Variants in AMDHD1 observed in about 807,000 individuals in gnomAD.
AMDHD1 encodes amidohydrolase domain containing 1.
AMDHD1 carries 45 observed loss-of-function variants against 44.1 expected under a neutral mutation model. The ratio of observed to expected loss-of-function variants is 1.02; its 90% CI spans 0.80 to 1.31. AMDHD1 has a LOEUF of 1.31. Ranked by LOEUF, AMDHD1 falls within the 50% of genes most tolerant of loss-of-function variation. AMDHD1 has a pLI of 0.00. For missense variants in AMDHD1, 586 were observed against 552.1 expected, an observed-to-expected ratio of 1.06 and a Z score of -0.61; for synonymous variants, 206 against 205.0, an observed-to-expected ratio of 1.00 and a Z score of -0.04.
At chr12:95,965,633 A>G in intron 6 of AMDHD1, 53 bp from the exon 7 acceptor site, 5 of 1,250,270 alleles carry the variant, frequency 4.0e-6, no homozygotes, top group South Asian at 2.5e-5. Context: ...CTGAACAGCT[A>G]TTCTACAAAA....
intron 4 of AMDHD1, 46 bp from the exon 5 acceptor site, chr12:95,960,351 GT>G: frequency 6.4e-7 from 1 of 1,552,470 alleles, no homozygotes; most frequent in Non-Finnish European, 8.8e-7. Context: ...GTCTTTTTGT[GT>G]TTTGTTTTTA....
intron 6 of AMDHD1, among the ~76,000 whole-genome samples, chr12:95,964,928 C>CAGAAAAAAAAAAA (rs2080601401): frequency 5.6e-5 from 2 of 35,832 alleles, no homozygotes; most frequent in African/African-American, 1.4e-4. Flanking sequence ...ATGTTTGAGG[C>CAGAAAAAAAAAAA]AAAAAAAAAA....
chr12:95,963,457 A>G (rs7486464), intron 6 of AMDHD1, among the ~76,000 whole-genome samples: 105,731 of 152,086 alleles, frequency 0.7, 37,223 homozygotes, highest in East Asian at 0.94. Context: ...ACCAGGCTCC[A>G]AGTAACTTTT....
rs527541617 is a variant in AMDHD1 at position 95,959,708 on chromosome 12, G to C, written c.588-690G>C. 5.3e-5 allele frequency among the ~76,000 whole-genome samples: 8 copies of C among 151,826 alleles called. No homozygotes were observed. The South Asian group carries it at 1.7e-3, about 32-fold the overall frequency. On this transcript the variant is annotated intron_variant, in intron 4 of 8. Coordinates refer to ENST00000266736, the MANE Select transcript of AMDHD1 (RefSeq NM_152435.3). The stretch of plus-strand genomic sequence containing the variant: ...GAAGAAAAAGGCAGGGTGATAGCTG[G>C]ACTCAGGTAAGGGGACCACAGGTGG...
intron 4 of AMDHD1, among the ~76,000 whole-genome samples, chr12:95,957,888 A>G (rs1320199965): frequency 6.6e-6 from 1 of 152,142 alleles, no homozygotes; most frequent in East Asian, 1.9e-4. Flanking sequence ...CCCCATCTCT[A>G]CTAAAAATAC....
chr12:95,951,555 T>C (rs191790694), intron 1 of AMDHD1, among the ~76,000 whole-genome samples: 1 of 152,332 alleles, frequency 6.6e-6, no homozygotes, highest in East Asian at 1.9e-4. Context: ...TAACATGGGA[T>C]GCAGACATCT....
intron 7 of AMDHD1, 51 bp downstream of exon 7, chr12:95,965,830 T>G: frequency 8.5e-7 from 1 of 1,174,104 alleles, no homozygotes. Flanking sequence ...ACCAAGCATA[T>G]AAATAATTTA....
intron 3 of AMDHD1, among the ~76,000 whole-genome samples, chr12:95,955,481 C>T (rs536627556): frequency 6.6e-6 from 1 of 152,112 alleles, no homozygotes; most frequent in South Asian, 2.1e-4. Flanking sequence ...AAAAGATGTG[C>T]CTCCTAGCAG....
chr12:95,957,015 C>T, intron 4 of AMDHD1, 53 bp downstream of exon 4: 1 of 1,600,206 alleles, frequency 6.2e-7, no homozygotes, highest in Non-Finnish European at 8.5e-7. Flanking sequence ...GAAAACGAAC[C>T]CCGGGGGTGG....
At chr12:95,945,157 A>G (rs2080489492) in intron 1 of AMDHD1, among the ~76,000 whole-genome samples, 1 of 152,092 alleles carries the variant, frequency 6.6e-6, no homozygotes, top group Non-Finnish European at 1.5e-5. Flanking sequence ...TAAATACATA[A>G]ATAAAATGAT....
intron 8 of AMDHD1, 110 bp from the exon 9 acceptor site, chr12:95,967,646 G>A (rs771941176): frequency 1.1e-5 from 9 of 829,074 alleles, no homozygotes; most frequent in Non-Finnish European, 1.7e-5. Flanking sequence ...TTGACTGGGT[G>A]TAAATAAATG....
Position 95,967,865 on chromosome 12 carries a change from T to C in AMDHD1, c.*22T>C. On this transcript the variant is annotated 3_prime_UTR_variant, in exon 9 of 9. Coordinates refer to ENST00000266736, the MANE Select transcript of AMDHD1 (RefSeq NM_152435.3). ...ATGATAGATTTGAAAAGAGAAGACT[T>C]TTTGACTATATGAAATAAGTCAATA... 1 of 1,467,316 alleles carries C rather than the reference T, an allele frequency of 6.8e-7. No homozygotes were observed. Among genetic ancestry groups the C allele is most frequent in the African/African-American group, 1.4e-5 (1 of 70,026 alleles). 90.9% of individuals were successfully genotyped at this position (1,467,316 alleles called of 1,614,324 possible). A position where few individuals can be genotyped will look rare whatever the true frequency, so the allele number is the denominator to read the frequency against.
At chr12:95,958,066 A>T (rs924123106) in intron 4 of AMDHD1, among the ~76,000 whole-genome samples, 13 of 146,994 alleles carry the variant, frequency 8.8e-5, no homozygotes, top group African/African-American at 2.4e-4. Context: ...AAATATATAT[A>T]TATTTTTTTA....
intron 6 of AMDHD1, among the ~76,000 whole-genome samples, chr12:95,963,399 CAAAG>C (rs1247993592): frequency 6.6e-6 from 1 of 151,422 alleles, no homozygotes; most frequent in Non-Finnish European, 1.5e-5. Context: ...GCTCCCAAAA[CAAAG>C]AATTATCCAG....
intron 1 of AMDHD1, among the ~76,000 whole-genome samples, chr12:95,947,877 C>CA (rs2136758483): frequency 9.3e-6 from 1 of 108,016 alleles, no homozygotes; most frequent in Non-Finnish European, 1.9e-5. Context: ...TCTGCCCGGC[C>CA]GCCCCTACTG....
intron 3 of AMDHD1, among the ~76,000 whole-genome samples, chr12:95,955,189 T>C (rs956595079): frequency 1.1e-4 from 17 of 152,214 alleles, no homozygotes; most frequent in African/African-American, 2.4e-5. Flanking sequence ...TGCCCACTAA[T>C]GTCTCCCTCT....
At chr12:95,947,673 G>A in intron 1 of AMDHD1, among the ~76,000 whole-genome samples, 1 of 63,492 alleles carries the variant, frequency 1.6e-5, no homozygotes. Flanking sequence ...GAGGTGAGGG[G>A]CGCCTCTGCC....
Position 95,967,790 on chromosome 12 carries a change from C to G in AMDHD1, c.1228C>G (p.His410Asp), listed in dbSNP as rs760018743. The G allele has an allele frequency of 4.4e-6, 7 of 1,573,194 alleles. No homozygotes were observed. Among genetic ancestry groups the G allele is most frequent in the South Asian group, 2.3e-5 (2 of 85,384 alleles). Reference sequence around the variant, plus strand: ...TTTGATTTACCAGTTCGGAGGCCATCATGAATTAATTGAATATGTTATAGC... The same window carrying G: ...TTTGATTTACCAGTTCGGAGGCCATGATGAATTAATTGAATATGTTATAGC... ...EHLIYQFGGHHELIEYVIAKG... is the reference protein window; with the variant it reads ...EHLIYQFGGHDELIEYVIAKG... The change falls in exon 9 of 9, where the codon CAT (histidine) becomes GAT (aspartate). Residue 410 changes from histidine (H) to aspartate (D), a missense_variant. Transcript: ENST00000266736.
intron 8 of AMDHD1, 132 bp downstream of exon 8, chr12:95,966,640 T>A (rs2080612766): frequency 8.5e-7 from 1 of 1,170,550 alleles, no homozygotes; most frequent in Non-Finnish European, 1.2e-6. Context: ...CCCCTCTATC[T>A]TGATCCCTTT....
Sources: gnomAD v4.1 joint callset for allele counts (sites outside exome capture counted in the v4.1 genomes callset) on GRCh38, gnomAD v4.1.1 for gene constraint, MANE v1.5 for transcripts, NCBI Gene and HGNC (gene_info 2026-07-23, HGNC 2026-07-21) for gene names.